CACNA1D: variants seen among roughly 807,000 people sequenced by gnomAD.
CACNA1D encodes the protein calcium voltage-gated channel subunit alpha1 D, also known as voltage-dependent L-type calcium channel subunit alpha-1D.
Under a neutral mutation model 257.1 loss-of-function variants are expected in CACNA1D, and 55 were observed. The ratio of observed to expected loss-of-function variants is 0.21; its 90% confidence interval spans 0.17 to 0.27. The LOEUF (loss-of-function observed/expected upper bound fraction) is 0.27. Among genes scored for constraint, CACNA1D ranks in the 10% least tolerant of loss-of-function variants. CACNA1D has a pLI of 1.00. For synonymous variants in CACNA1D, 980 were observed against 1,014.9 expected, an observed-to-expected ratio of 0.97 and a Z score of 0.65; for missense variants, 1,876 against 2,784.0, an observed-to-expected ratio of 0.67 and a Z score of 7.34.
At chr3:53,522,961 C>T (rs2091635366) in intron 3 of CACNA1D, among the ~76,000 whole-genome samples, 1 of 152,208 alleles carries the variant, frequency 6.6e-6, no homozygotes, top group African/African-American at 2.4e-5. Context: ...ATTCTACTCC[C>T]TGTCTCCATG....
intron 8 of CACNA1D, among the ~76,000 whole-genome samples, chr3:53,690,775 G>T (rs1365912368): frequency 6.6e-6 from 1 of 152,224 alleles, no homozygotes; most frequent in Non-Finnish European, 1.5e-5. Context: ...GGAACCCCTA[G>T]CAGCTCTGAA....
chr3:53,681,617 G>A (rs912197749), intron 8 of CACNA1D, among the ~76,000 whole-genome samples: 4 of 152,272 alleles, frequency 2.6e-5, no homozygotes, highest in Middle Eastern at 3.4e-3. Context: ...TACGGTGGTG[G>A]GATGTAGGCA....
chr3:53,612,887 C>T, intron 3 of CACNA1D, among the ~76,000 whole-genome samples: 1 of 152,124 alleles, frequency 6.6e-6, no homozygotes, highest in South Asian at 2.1e-4. Flanking sequence ...TTATATTTTT[C>T]CCCAGTTTTC....
intron 9 of CACNA1D, among the ~76,000 whole-genome samples, chr3:53,703,332 G>A (rs2108594691): frequency 6.6e-6 from 1 of 152,206 alleles, no homozygotes; most frequent in African/African-American, 2.4e-5. Flanking sequence ...CTAGGCAGGT[G>A]TTAAGGGGCA....
chr3:53,730,289 G>A (rs1332947478), intron 15 of CACNA1D, among the ~76,000 whole-genome samples, 153 bp from the exon 16 acceptor site: 2 of 152,112 alleles, frequency 1.3e-5, no homozygotes, highest in African/African-American at 4.8e-5. Context: ...GAAAAGCAGG[G>A]CTCTGGTACT....
At chr3:53,565,074 A>T (rs1000533631) in intron 3 of CACNA1D, among the ~76,000 whole-genome samples, 4 of 151,988 alleles carry the variant, frequency 2.6e-5, no homozygotes, top group African/African-American at 9.7e-5. Flanking sequence ...TTAAAGTCTA[A>T]CCCTTTCCCC....
At chr3:53,761,798 C>T (rs903236633) in intron 29 of CACNA1D, among the ~76,000 whole-genome samples, 200 bp from the exon 30 acceptor site, 1 of 152,016 alleles carries the variant, frequency 6.6e-6, no homozygotes, top group Non-Finnish European at 1.5e-5. Flanking sequence ...GGGCGTGCAC[C>T]TTCTCTCACA....
chr3:53,691,507 T>G (rs2094518988), intron 8 of CACNA1D, among the ~76,000 whole-genome samples: 1 of 151,154 alleles, frequency 6.6e-6, no homozygotes, highest in Non-Finnish European at 1.5e-5. Context: ...GGAAAAATTT[T>G]CTACTGGAAG....
chr3:53,760,570 T>C (rs557192488), intron 29 of CACNA1D, among the ~76,000 whole-genome samples: 1 of 152,336 alleles, frequency 6.6e-6, no homozygotes, highest in Admixed American at 6.5e-5. Context: ...GTTGCCTCTT[T>C]GGCTGTCTGT....
intron 38 of CACNA1D, among the ~76,000 whole-genome samples, chr3:53,780,622 T>G (rs938968827): frequency 3.3e-5 from 5 of 152,184 alleles, no homozygotes; most frequent in Non-Finnish European, 5.9e-5. Context: ...TTGAGAAATA[T>G]AGTGGGATCA....
chr3:53,653,211 A>G (rs2094115836), intron 4 of CACNA1D, among the ~76,000 whole-genome samples: 1 of 152,326 alleles, frequency 6.6e-6, no homozygotes, highest in Admixed American at 6.5e-5. Flanking sequence ...AAACCATGCC[A>G]CTGCACTCCA....
At chr3:53,606,329 C>T (rs574026509) in intron 3 of CACNA1D, among the ~76,000 whole-genome samples, 1 of 152,210 alleles carries the variant, frequency 6.6e-6, no homozygotes, top group African/African-American at 2.4e-5. Context: ...AGGAGGGAGG[C>T]CATGTCAGTT....
chr3:53,608,446 C>T (rs969074424), intron 3 of CACNA1D, among the ~76,000 whole-genome samples: 5 of 152,142 alleles, frequency 3.3e-5, no homozygotes, highest in South Asian at 2.1e-4. Flanking sequence ...TTCCTTCTCC[C>T]GTTATAATCG....
At chr3:53,653,108 G>A (rs2094114174) in intron 4 of CACNA1D, among the ~76,000 whole-genome samples, 1 of 152,168 alleles carries the variant, frequency 6.6e-6, no homozygotes, top group South Asian at 2.1e-4. Flanking sequence ...AATATTATCT[G>A]GGTGTGGTGG....
chr3:53,693,731 GC>G (rs1682634748), intron 8 of CACNA1D, among the ~76,000 whole-genome samples: 1 of 151,962 alleles, frequency 6.6e-6, no homozygotes, highest in African/African-American at 2.4e-5. Context: ...GAATTTCTGA[GC>G]CTTCTGTTTT....
At chr3:53,693,759 C>T (rs1043455792) in intron 8 of CACNA1D, among the ~76,000 whole-genome samples, 1 of 151,822 alleles carries the variant, frequency 6.6e-6, no homozygotes, top group Non-Finnish European at 1.5e-5. Context: ...AATCTGAGTC[C>T]CTAGTGATTT....
intron 3 of CACNA1D, among the ~76,000 whole-genome samples, chr3:53,625,417 T>C (rs538628774): frequency 3.5e-4 from 53 of 152,324 alleles, no homozygotes; most frequent in African/African-American, 1.3e-3. Context: ...GCAGCCTGCA[T>C]CATGCCTCTT....
intron 3 of CACNA1D, among the ~76,000 whole-genome samples, chr3:53,627,208 T>C (rs2093769360): frequency 6.6e-6 from 1 of 152,198 alleles, no homozygotes; most frequent in African/African-American, 2.4e-5. Context: ...TCAGCCACTC[T>C]GATCCCTGCT....
chr3:53,723,394 G>A lies in CACNA1D; in HGVS notation c.1667-40G>A. Reference sequence around the variant, plus strand: ...GGGGCACGAGCAGTCTGAGTGTCTTGCAGGAGACCCTGAGGATGGGTGCCC... The same window carrying A: ...GGGGCACGAGCAGTCTGAGTGTCTTACAGGAGACCCTGAGGATGGGTGCCC... On this transcript the variant is annotated intron_variant, in intron 12 of 47. Coordinates refer to ENST00000350061, the MANE Select transcript of CACNA1D (RefSeq NM_001128840.3). This position sits in a 1 kb window ranked among gnomAD's most constrained non-coding sequence, Gnocchi z 5.6. The A allele has an allele frequency of 6.7e-7, 1 of 1,493,162 alleles. No individual in the cohort carries two copies. Among genetic ancestry groups the A allele is most frequent in the Non-Finnish European group, 9.3e-7 (1 of 1,069,786 alleles). 92.5% of individuals were successfully genotyped at this position (1,493,162 alleles called of 1,614,324 possible).
Sources: allele counts gnomAD v4.1 joint callset (sites outside exome capture counted in the v4.1 genomes callset), GRCh38; gene constraint gnomAD v4.1.1; non-coding constraint Gnocchi (gnomAD v3.1); transcripts MANE v1.5; gene names NCBI Gene and HGNC (gene_info 2026-07-23, HGNC 2026-07-21).